ARHGAP24: variants seen among roughly 807,000 people sequenced by gnomAD.
ARHGAP24 encodes Rho GTPase activating protein 24.
ARHGAP24 carries 50 observed loss-of-function variants against 76.4 expected under a neutral mutation model. The observed-to-expected ratio is 0.65, with a 90% CI of 0.52 to 0.83. The LOEUF (loss-of-function observed/expected upper bound fraction) is 0.83, where lower values mean the gene tolerates loss of function less well. ARHGAP24 is among the 40% of genes least tolerant of loss of function. The pLI, the probability that ARHGAP24 is intolerant of heterozygous loss-of-function variation, is 0.00. For synonymous variants in ARHGAP24, 345 were observed against 323.3 expected (o/e 1.07, Z -0.72); for missense variants, 930 against 914.2 (o/e 1.02, Z -0.22).
chr4:85,756,079 TTGTAA>T (rs1447689941), intron 3 of ARHGAP24, among the ~76,000 whole-genome samples: 2 of 152,218 alleles, frequency 1.3e-5, no homozygotes, highest in Admixed American at 1.3e-4. Flanking sequence ...CATCAATGTA[TTGTAA>T]TGTATGTATC....
chr4:85,514,036 C>T (rs758291993), intron 1 of ARHGAP24, among the ~76,000 whole-genome samples: 19 of 152,166 alleles, frequency 1.2e-4, no homozygotes, highest in Non-Finnish European at 2.1e-4. Context: ...CCTCATCAAT[C>T]CTTTTGAAAG....
At position 85,875,578 on chromosome 4, in the gene ARHGAP24, TA is replaced by T. The variant is rs543827119; in HGVS notation, c.269-48068del. 5.2e-3 allele frequency among the ~76,000 whole-genome samples: 558 copies of T among 107,782 alleles called. 13 individuals are homozygous for T. The highest frequency in any genetic ancestry group is 0.018 in the African/African-American group (496 of 26,918). 70.7% of individuals were successfully genotyped at this position (107,782 alleles called of 152,430 possible). A position where few individuals can be genotyped will look rare whatever the true frequency, so the allele number is the denominator to read the frequency against. ...TTATATTTTTATATTATATAATATA[TA>T]ATATATATTTTATATTATATTTTTA... On this transcript the variant is annotated intron_variant, in intron 3 of 9. Transcript: ENST00000395184.
chr4:85,818,856 T>C (rs761035857), intron 3 of ARHGAP24, among the ~76,000 whole-genome samples: 9 of 152,234 alleles, frequency 5.9e-5, no homozygotes, highest in Admixed American at 2.0e-4. Context: ...TGAGTAGATA[T>C]GTCTATTGCA....
chr4:85,999,871 T>C (rs1740900878), intron 9 of ARHGAP24: 1 of 152,430 alleles, frequency 6.6e-6, no homozygotes. Flanking sequence ...GGAATGGGCT[T>C]TATTTTTACA....
At chr4:85,510,690 C>G (rs934035682) in intron 1 of ARHGAP24, among the ~76,000 whole-genome samples, 8 of 149,260 alleles carry the variant, frequency 5.4e-5, no homozygotes, top group African/African-American at 2.0e-4. Context: ...TTCCACTGCT[C>G]TATGTACCCT....
chr4:85,542,080 C>T (rs1351520051), intron 1 of ARHGAP24, among the ~76,000 whole-genome samples: 1 of 152,178 alleles, frequency 6.6e-6, no homozygotes, highest in Non-Finnish European at 1.5e-5. Context: ...TTTAACTCTT[C>T]CTTCATCAGG....
At chr4:85,996,551 A>G (rs1293601323) in intron 9 of ARHGAP24, among the ~76,000 whole-genome samples, 1 of 152,204 alleles carries the variant, frequency 6.6e-6, no homozygotes, top group Non-Finnish European at 1.5e-5. Context: ...CTATCCATTC[A>G]TCAATTATCA....
intron 1 of ARHGAP24, among the ~76,000 whole-genome samples, chr4:85,516,175 G>A (rs1270842233): frequency 1.3e-5 from 2 of 152,196 alleles, no homozygotes; most frequent in Admixed American, 6.5e-5. Context: ...CCCAGTCTAA[G>A]TGAGTGTGGG....
At chr4:85,890,113 A>G (rs1472114473) in intron 3 of ARHGAP24, among the ~76,000 whole-genome samples, 2 of 152,182 alleles carry the variant, frequency 1.3e-5, no homozygotes, top group Non-Finnish European at 2.9e-5. Context: ...GAATCACTGG[A>G]CCGATGAAAG....
At chr4:85,631,702 G>A (rs1578094343) in intron 2 of ARHGAP24, among the ~76,000 whole-genome samples, 3 of 152,058 alleles carry the variant, frequency 2.0e-5, no homozygotes, top group East Asian at 1.9e-4. Flanking sequence ...TGAGATCATA[G>A]CAATATTCCT....
chr4:85,796,918 T>C (rs770558210), intron 3 of ARHGAP24, among the ~76,000 whole-genome samples: 33 of 152,064 alleles, frequency 2.2e-4, no homozygotes, highest in Non-Finnish European at 4.3e-4. Context: ...GGTATCTCAC[T>C]AGAGGACTCT....
At chr4:85,662,123 A>G (rs1202391067) in intron 2 of ARHGAP24, among the ~76,000 whole-genome samples, 1 of 152,216 alleles carries the variant, frequency 6.6e-6, no homozygotes, top group Admixed American at 6.5e-5. Context: ...ACTAGTTTAC[A>G]GTCCCACCAA....
intron 4 of ARHGAP24, among the ~76,000 whole-genome samples, chr4:85,937,990 T>C (rs965472064): frequency 1.1e-4 from 16 of 152,212 alleles, no homozygotes; most frequent in African/African-American, 3.4e-4. Context: ...AATGTATCTA[T>C]AGCATCACAG....
chr4:85,555,132 T>A (rs917782640), intron 1 of ARHGAP24, among the ~76,000 whole-genome samples: 10 of 152,194 alleles, frequency 6.6e-5, no homozygotes, highest in Non-Finnish European at 1.5e-4. Context: ...TTCATTTCAG[T>A]CTTTTCATCC....
At chr4:85,909,297 G>GTTTTTTTTTTTTT (rs373250035) in intron 3 of ARHGAP24, among the ~76,000 whole-genome samples, 1 of 151,154 alleles carries the variant, frequency 6.6e-6, no homozygotes, top group African/African-American at 2.4e-5. Flanking sequence ...GTTTTCTTTT[G>GTTTTTTTTTTTTT]TTTTGTTTTT....
chr4:85,971,348 T>A (rs1443528253), intron 5 of ARHGAP24, among the ~76,000 whole-genome samples: 1 of 152,250 alleles, frequency 6.6e-6, no homozygotes, highest in African/African-American at 2.4e-5. Context: ...TAAATTTTAT[T>A]ACAGTATATT....
At chr4:85,906,019 T>C (rs2148794897) in intron 3 of ARHGAP24, among the ~76,000 whole-genome samples, 1 of 152,296 alleles carries the variant, frequency 6.6e-6, no homozygotes, top group African/African-American at 2.4e-5. Context: ...GTATTTAACC[T>C]GGAGCTAGAG....
chr4:85,930,746 C>A, intron 4 of ARHGAP24: 4 of 1,299,870 alleles, frequency 3.1e-6, no homozygotes, highest in Non-Finnish European at 3.9e-6. Flanking sequence ...TTTTGCTAAA[C>A]AGGAGTAAAT....
At chr4:85,493,066 T>C (rs758704887) in intron 1 of ARHGAP24, among the ~76,000 whole-genome samples, 31 of 152,218 alleles carry the variant, frequency 2.0e-4, no homozygotes, top group Non-Finnish European at 3.7e-4. Context: ...AGTCAGGTTG[T>C]ACATTTTTGG....
Sources: gnomAD v4.1 joint callset for allele counts (sites outside exome capture counted in the v4.1 genomes callset) on GRCh38, gnomAD v4.1.1 for gene constraint, MANE v1.5 for transcripts, NCBI Gene and HGNC (gene_info 2026-07-23, HGNC 2026-07-21) for gene names.